The following EYS variants were observed in gnomAD, a reference collection of about 807,000 sequenced individuals.
The protein encoded by EYS is EGF-like photoreceptor maintenance factor, also known as protein eyes shut homolog.
Under a neutral mutation model 282.1 loss-of-function variants are expected in EYS, and 250 were observed. The observed-to-expected ratio is 0.89, with a 90% CI of 0.80 to 0.98. The LOEUF (loss-of-function observed/expected upper bound fraction) is 0.98. EYS is among the 50% of genes least tolerant of loss of function. EYS has a pLI of 0.00. For missense variants in EYS, 4,016 were observed against 3,709.0 expected, an observed-to-expected ratio of 1.08 and a Z score of -2.15; for synonymous variants, 1,355 against 1,282.9, an observed-to-expected ratio of 1.06 and a Z score of -1.20.
intron 31 of EYS, among the ~76,000 whole-genome samples, chr6:64,162,595 A>G (rs188878309): frequency 4.3e-4 from 65 of 152,274 alleles, no homozygotes; most frequent in African/African-American, 1.5e-3. Flanking sequence ...GTTTAGGATT[A>G]GGAATTAGAA....
intron 5 of EYS, among the ~76,000 whole-genome samples, chr6:65,437,514 C>A (rs1768120066): frequency 6.6e-6 from 1 of 152,010 alleles, no homozygotes; most frequent in Non-Finnish European, 1.5e-5. Flanking sequence ...AATAAAGATA[C>A]TAATTTAGAT....
intron 22 of EYS, among the ~76,000 whole-genome samples, chr6:64,705,191 A>C (rs1770962077): frequency 6.6e-6 from 1 of 152,226 alleles, no homozygotes; most frequent in South Asian, 2.1e-4. Context: ...ACAGCGACCA[A>C]GCTGAGAATC....
At chr6:64,701,067 C>T (rs767624203) in intron 22 of EYS, among the ~76,000 whole-genome samples, 3 of 151,920 alleles carry the variant, frequency 2.0e-5, no homozygotes, top group Non-Finnish European at 4.4e-5. Context: ...AATAAAGTCA[C>T]GTAACTATAG....
chr6:65,220,388 A>T (rs969367851), intron 12 of EYS, among the ~76,000 whole-genome samples: 1 of 152,104 alleles, frequency 6.6e-6, no homozygotes, highest in Non-Finnish European at 1.5e-5. Context: ...TAATTGAAAC[A>T]TGAGGGCATG....
rs372901425 is a variant in EYS, at chr6:64,096,571, G to A, written c.6425-14569C>T. On this transcript the variant is annotated intron_variant, in intron 31 of 42. Transcript: ENST00000503581. ...CTACTGAGGCTTGTGCATTCGTCAC[G>A]TAGTTCTCATGCTGTGGTTTTCAGC... 4.7e-3 allele frequency among the ~76,000 whole-genome samples: 714 copies of A among 152,274 alleles called. 5 individuals carry two copies. Among genetic ancestry groups the A allele is most frequent in the African/African-American group, 0.016 (674 of 41,550 alleles).
chr6:65,305,241 G>A (rs1332677768), intron 11 of EYS, among the ~76,000 whole-genome samples: 2 of 152,220 alleles, frequency 1.3e-5, no homozygotes, highest in African/African-American at 4.8e-5. Context: ...GGGAGATCAA[G>A]TGAAAGGGTG....
intron 2 of EYS, among the ~76,000 whole-genome samples, chr6:65,601,614 C>T (rs1765619409): frequency 6.6e-6 from 1 of 151,900 alleles, no homozygotes; most frequent in African/African-American, 2.4e-5. Context: ...CTATCAAATA[C>T]TAGAGATCTA....
intron 36 of EYS, chr6:63,821,290 C>G (rs528759145): frequency 2.0e-5 from 3 of 151,592 alleles, no homozygotes; most frequent in African/African-American, 7.3e-5. Flanking sequence ...CTAGCTGAAG[C>G]ACAAAGAAAG....
Position 65,402,491 on chromosome 6 carries a change from C to T in EYS, c.1171G>A (p.Asp391Asn). ...AATTAATTATACCTGCAAGGATAAT[C>T]TTTCTCACATTTCTTACATGTAGCA... ...NNATCKKCEKDYPCSCISGFT... is the reference protein window; with the variant it reads ...NNATCKKCEKNYPCSCISGFT... The change falls in exon 7 of 43, where the codon GAT becomes AAT. Residue 391 changes from aspartate to asparagine, a missense_variant. Transcript: ENST00000503581. 2.6e-6 allele frequency: 4 copies of T among 1,517,160 alleles called. No individual in the cohort carries two copies. The highest frequency in any genetic ancestry group is 3.7e-6 in the Non-Finnish European group (4 of 1,093,072). 94.0% of individuals were successfully genotyped at this position (1,517,160 alleles called of 1,614,324 possible). A position where few individuals can be genotyped will look rare whatever the true frequency, so the allele number is the denominator to read the frequency against.
intron 22 of EYS, among the ~76,000 whole-genome samples, chr6:64,635,466 A>T (rs1767941349): frequency 6.6e-6 from 1 of 152,122 alleles, no homozygotes; most frequent in East Asian, 1.9e-4. Context: ...GGTTTGTCAT[A>T]GATAGCTCTT....
chr6:64,610,096 T>C (rs1767061387), intron 24 of EYS, among the ~76,000 whole-genome samples: 1 of 152,120 alleles, frequency 6.6e-6, no homozygotes, highest in Admixed American at 6.5e-5. Flanking sequence ...GTTAACAATG[T>C]TATCTTCAAT....
At chr6:64,816,401 G>A (rs771506077) in intron 21 of EYS, among the ~76,000 whole-genome samples, 24 of 152,064 alleles carry the variant, frequency 1.6e-4, no homozygotes, top group Non-Finnish European at 2.4e-4. Flanking sequence ...ACGTAACTAC[G>A]GAATCTGTAG....
In EYS at chr6:64,783,594, C is replaced by A. The variant is rs151107392; in HGVS notation, c.3443+29784G>T. Among the ~76,000 whole-genome samples, 117 of 152,110 alleles carry A rather than the reference C, an allele frequency of 7.7e-4. 1 individual carries two copies. The East Asian group carries it at 0.016, about 21-fold the overall frequency. ...TACATATTGTGCTGATACATAAATA[C>A]AAATTGTAAAATGTGTCCTATGTAA... On this transcript the variant is annotated intron_variant, in intron 22 of 42. Transcript: ENST00000503581.
At chr6:64,923,123 C>T (rs1768403656) in intron 15 of EYS, among the ~76,000 whole-genome samples, 1 of 151,884 alleles carries the variant, frequency 6.6e-6, no homozygotes, top group Non-Finnish European at 1.5e-5. Context: ...TGTTTTCACG[C>T]TGCTGATAAA....
rs552680576 is a variant in EYS at position 65,193,687 on chromosome 6, A to C, written c.2023+102176T>G. On this transcript the variant is annotated intron_variant, in intron 12 of 42. Transcript: ENST00000503581. ...ATTTAGAGCTTCGTAAGGAACAAAA[A>C]TCTCTGCCTCTATCTAGTATATTTA... 7.9e-5 allele frequency among the ~76,000 whole-genome samples: 12 copies of C among 151,694 alleles called. No individual in the cohort carries two copies. The East Asian group carries it at 1.2e-3, about 15-fold the overall frequency.
At chr6:64,546,675 C>G (rs904619609) in intron 26 of EYS, among the ~76,000 whole-genome samples, 38 of 151,946 alleles carry the variant, frequency 2.5e-4, no homozygotes, top group African/African-American at 8.4e-4. Context: ...AAATTTACAA[C>G]AAAAAAACAA....
At chr6:64,229,614 T>G (rs928263253) in intron 31 of EYS, among the ~76,000 whole-genome samples, 1 of 152,190 alleles carries the variant, frequency 6.6e-6, no homozygotes, top group African/African-American at 2.4e-5. Context: ...GTGTTTCCAT[T>G]TCTGTGCCTT....
chr6:64,817,809 T>C (rs968551263), intron 21 of EYS, among the ~76,000 whole-genome samples: 3 of 152,202 alleles, frequency 2.0e-5, no homozygotes, highest in Non-Finnish European at 2.9e-5. Context: ...TAGTTTTCCA[T>C]GGTGTATATG....
chr6:65,045,501 T>C (rs565839008), intron 13 of EYS, among the ~76,000 whole-genome samples: 2 of 151,954 alleles, frequency 1.3e-5, no homozygotes, highest in African/African-American at 4.8e-5. Flanking sequence ...TCGAATAATT[T>C]CTGAGGTGTA....
Sources: gnomAD v4.1 joint callset for allele counts (sites outside exome capture counted in the v4.1 genomes callset) on GRCh38, gnomAD v4.1.1 for gene constraint, MANE v1.5 for transcripts, NCBI Gene and HGNC (gene_info 2026-07-23, HGNC 2026-07-21) for gene names.